Variants in ZNF536 observed in about 807,000 individuals in gnomAD.
ZNF536 encodes the protein zinc finger protein 536.
A neutral mutation model predicts 84.5 loss-of-function variants in ZNF536; 13 were observed. That is an observed-to-expected ratio of 0.15 (90% CI 0.10 to 0.24). The LOEUF (loss-of-function observed/expected upper bound fraction) is 0.24. Ranked by LOEUF, ZNF536 falls within the 10% of genes least tolerant of loss-of-function variation. The pLI is 1.00. For synonymous variants in ZNF536, 811 were observed against 742.5 expected (o/e 1.09, Z -1.50); for missense variants, 1,536 against 1,747.5 (o/e 0.88, Z 2.16).
chr19:30,333,617 G>C (rs544747497), intron 2 of ZNF536, among the ~76,000 whole-genome samples: 1 of 152,140 alleles, frequency 6.6e-6, no homozygotes, highest in African/African-American at 2.4e-5. Flanking sequence ...CAGTGTCCCA[G>C]TGTCTACCTT....
chr19:30,228,339 GGCCCCC>G (rs1296157803), upstream of ZNF536: 2 of 152,096 alleles, frequency 1.3e-5, no homozygotes, highest in African/African-American at 4.8e-5. This position sits in a 1 kb window ranked among gnomAD's most constrained non-coding sequence, Gnocchi z 4.5. Flanking sequence ...GTGGGGACAG[GGCCCCC>G]GCCCCCGCCG....
intron 1 of ZNF536, among the ~76,000 whole-genome samples, chr19:30,642,324 T>C (rs1165341317): frequency 6.6e-6 from 1 of 152,200 alleles, no homozygotes; most frequent in African/African-American, 2.4e-5. Context: ...TTGGGGCCCA[T>C]TTCAACCAGG....
At chr19:30,388,159 G>A (rs1010772317) in intron 1 of ZNF536, among the ~76,000 whole-genome samples, 9 of 152,178 alleles carry the variant, frequency 5.9e-5, no homozygotes, top group South Asian at 2.1e-4. Flanking sequence ...AAGATTTCCC[G>A]GGGGAGTGAG....
intron 4 of ZNF536, among the ~76,000 whole-genome samples, chr19:30,550,697 A>C (rs1437891750): frequency 6.6e-6 from 1 of 152,206 alleles, no homozygotes; most frequent in Non-Finnish European, 1.5e-5. Context: ...TTGTTCGTTT[A>C]AGCACAGAGA....
intron 3 of ZNF536, among the ~76,000 whole-genome samples, chr19:30,359,394 C>T (rs970949059): frequency 6.6e-6 from 1 of 152,154 alleles, no homozygotes; most frequent in Admixed American, 6.5e-5. Context: ...AGGTCCCTGG[C>T]CCCACGCTTC....
intron 2 of ZNF536, among the ~76,000 whole-genome samples, chr19:30,484,881 C>T (rs188757393): frequency 4.5e-4 from 68 of 152,104 alleles, no homozygotes; most frequent in East Asian, 3.9e-4. Context: ...CGGTGGCTCA[C>T]GCCTGTAATC....
At chr19:30,476,033 G>C (rs1312647360) in intron 2 of ZNF536, among the ~76,000 whole-genome samples, 2 of 152,116 alleles carry the variant, frequency 1.3e-5, no homozygotes, top group Non-Finnish European at 2.9e-5. Context: ...GTCTCTCCCC[G>C]GGTCATTACA....
intron 2 of ZNF536, among the ~76,000 whole-genome samples, chr19:30,501,014 AC>A (rs2054929752): frequency 6.6e-6 from 1 of 152,110 alleles, no homozygotes; most frequent in Non-Finnish European, 1.5e-5. Context: ...AGAAGGTTTG[AC>A]CTGTCATGTA....
intron 1 of ZNF536, among the ~76,000 whole-genome samples, chr19:30,577,554 A>T (rs913197174): frequency 2.0e-5 from 3 of 152,054 alleles, no homozygotes; most frequent in African/African-American, 7.2e-5. Flanking sequence ...GCGTTTTTAG[A>T]TATGGCCATG....
chr19:30,412,531 GT>G (rs1417272262), intron 1 of ZNF536, among the ~76,000 whole-genome samples: 1 of 151,946 alleles, frequency 6.6e-6, no homozygotes, highest in Non-Finnish European at 1.5e-5. Flanking sequence ...AATAAATTAT[GT>G]GAATATACCA....
At chr19:30,558,188 C>T (rs780586215), downstream of ZNF536, 10 of 152,178 alleles carry the variant, frequency 6.6e-5, no homozygotes, top group Admixed American at 1.3e-4. Flanking sequence ...GGCTGTTTGC[C>T]GGGGCAGATC....
intron 2 of ZNF536, among the ~76,000 whole-genome samples, chr19:30,299,764 C>A (rs150188108): frequency 6.6e-6 from 1 of 152,054 alleles, no homozygotes; most frequent in Non-Finnish European, 1.5e-5. Flanking sequence ...ATGTACAACT[C>A]GGTTAAGAGT....
rs543205102 is a variant in ZNF536 at position 30,637,582 on chromosome 19, C to T, written c.170-73175C>T. Among the ~76,000 whole-genome samples, 390 of 152,316 alleles carry T rather than the reference C, an allele frequency of 2.6e-3. 4 individuals are homozygous for T. Among genetic ancestry groups the T allele is most frequent in the African/African-American group, 7.9e-3 (330 of 41,572 alleles). ...GGATAAAGCAAGCATTCATCCTTTA[C>T]GCTTTGTGGTCAGACTTTTGGAGTT... On this transcript the variant is annotated intron_variant, in intron 1 of 1. Coordinates refer to the ZNF536 transcript ENST00000592773.
chr19:30,376,036 G>A (rs1424708999), intron 1 of ZNF536, among the ~76,000 whole-genome samples: 2 of 152,206 alleles, frequency 1.3e-5, no homozygotes, highest in South Asian at 2.1e-4. Context: ...GAGTGTGCGC[G>A]GGTGCCCACT....
At chr19:30,657,306 A>G (rs2147523526) in intron 1 of ZNF536, among the ~76,000 whole-genome samples, 1 of 152,312 alleles carries the variant, frequency 6.6e-6, no homozygotes, top group African/African-American at 2.4e-5. Flanking sequence ...AATGACTATG[A>G]AAATAGAATC....
intron 1 of ZNF536, among the ~76,000 whole-genome samples, chr19:30,566,796 C>T (rs1318652023): frequency 2.0e-5 from 3 of 150,034 alleles, no homozygotes; most frequent in South Asian, 2.1e-4. Context: ...GTGGCCTCTC[C>T]GGACAGTGGA....
rs1042669124 is a variant in ZNF536 at position 30,557,403 on chromosome 19, T to G, written c.*239T>G. 2.0e-5 allele frequency: 8 copies of G among 398,328 alleles called. No individual in the cohort carries two copies. The highest frequency in any genetic ancestry group is 1.7e-4 in the African/African-American group (8 of 48,424). The allele number at this position is 398,328 out of a possible 1,614,324, so 24.7% of individuals were successfully genotyped here. A position where few individuals can be genotyped will look rare whatever the true frequency, so the allele number is the denominator to read the frequency against. On this transcript the variant is annotated 3_prime_UTR_variant, in exon 5 of 5. Coordinates refer to ENST00000355537, the MANE Select transcript of ZNF536 (RefSeq NM_014717.3). ...ATATGTTCCAGTATTAGTCATGGATTGCAAAGGCTTAGTAACTTGAGCAGG... is the reference window on the plus strand; with the variant it reads ...ATATGTTCCAGTATTAGTCATGGATGGCAAAGGCTTAGTAACTTGAGCAGG...
At chr19:30,435,927 A>AT (rs372155695) in intron 1 of ZNF536, among the ~76,000 whole-genome samples, 4 of 151,598 alleles carry the variant, frequency 2.6e-5, no homozygotes, top group Non-Finnish European at 4.4e-5. Flanking sequence ...GCCTTTGAGA[A>AT]TTTTTTTTTC....
At chr19:30,539,099 A>G (rs566455673) in intron 3 of ZNF536, among the ~76,000 whole-genome samples, 1 of 151,320 alleles carries the variant, frequency 6.6e-6, no homozygotes, top group East Asian at 1.9e-4. Context: ...AAAGAAAAAG[A>G]AAAGAAAAGG....
Sources: allele counts gnomAD v4.1 joint callset (sites outside exome capture counted in the v4.1 genomes callset), GRCh38; gene constraint gnomAD v4.1.1; non-coding constraint Gnocchi (gnomAD v3.1); transcripts MANE v1.5; gene names NCBI Gene and HGNC (gene_info 2026-07-23, HGNC 2026-07-21).